RBFOX1: variants seen among roughly 807,000 people sequenced by gnomAD.
RBFOX1 encodes the protein RNA binding fox-1 homolog 1, also known as RNA binding protein fox-1 homolog 1.
In RBFOX1, 8 loss-of-function variants were observed where a neutral mutation model predicts 57.7. The observed-to-expected ratio is 0.14, with a 90% confidence interval of 0.08 to 0.25. The LOEUF (loss-of-function observed/expected upper bound fraction) is 0.25, where lower values mean the gene tolerates loss of function less well. Ranked by LOEUF, RBFOX1 falls within the 10% of genes least tolerant of loss-of-function variation. RBFOX1 has a pLI of 1.00. For synonymous variants in RBFOX1, 326 were observed against 222.4 expected (o/e 1.47, Z -4.15); for missense variants, 611 against 548.5 (o/e 1.11, Z -1.14).
At chr16:6,785,017 G>C (rs1002505174) in intron 3 of RBFOX1, among the ~76,000 whole-genome samples, 2 of 151,834 alleles carry the variant, frequency 1.3e-5, no homozygotes, top group African/African-American at 4.8e-5. Flanking sequence ...TTGATTTGTT[G>C]CACTTCTGAG....
rs192218393 is a variant in RBFOX1 at position 7,159,138 on chromosome 16, T to C, written c.27+107040T>C. 1.1e-4 allele frequency among the ~76,000 whole-genome samples: 16 copies of C among 152,288 alleles called. No individual in the cohort carries two copies. The East Asian group carries it at 2.9e-3, about 28-fold the overall frequency. On this transcript the variant is annotated intron_variant, in intron 4 of 15. Coordinates refer to ENST00000550418, the MANE Select transcript of RBFOX1 (RefSeq NM_018723.4). ...CAGGATGTAACCTTTGGAGACTGGC[T>C]TCTTTTTCTCTGCATACTGCCCTGG...
chr16:7,259,383 CAT>C (rs1567929339), intron 4 of RBFOX1, among the ~76,000 whole-genome samples: 1 of 152,054 alleles, frequency 6.6e-6, no homozygotes, highest in African/African-American at 2.4e-5. Context: ...GCACACATCA[CAT>C]ATAAGATATT....
chr16:7,175,470 G>A (rs754234179), intron 4 of RBFOX1, among the ~76,000 whole-genome samples: 1 of 152,158 alleles, frequency 6.6e-6, no homozygotes, highest in East Asian at 1.9e-4. Flanking sequence ...ATTCAGAAAT[G>A]TGTGACAGGG....
At chr16:5,765,343 A>G (rs1457986053) in intron 3 of RBFOX1, among the ~76,000 whole-genome samples, 3 of 152,212 alleles carry the variant, frequency 2.0e-5, no homozygotes, top group African/African-American at 7.2e-5. Flanking sequence ...TTGTTTCCCA[A>G]GGGAAAAAAG....
At chr16:5,767,015 G>T (rs1340255379) in intron 3 of RBFOX1, among the ~76,000 whole-genome samples, 2 of 152,136 alleles carry the variant, frequency 1.3e-5, no homozygotes, top group African/African-American at 4.8e-5. Context: ...TTGCTTCTGG[G>T]TGTTGTGGTT....
chr16:5,468,968 C>T (rs1420599575), intron 2 of RBFOX1, among the ~76,000 whole-genome samples: 33 of 152,244 alleles, frequency 2.2e-4, no homozygotes, highest in Admixed American at 2.1e-3. Flanking sequence ...CATATTTATA[C>T]CTTTTCCCTT....
At chr16:5,423,380 T>G (rs1290523619) in intron 1 of RBFOX1, among the ~76,000 whole-genome samples, 3 of 152,152 alleles carry the variant, frequency 2.0e-5, no homozygotes, top group African/African-American at 7.2e-5. Context: ...TGTATAGATT[T>G]ATGTAACAAC....
intron 1 of RBFOX1, among the ~76,000 whole-genome samples, chr16:5,429,714 A>G (rs1363907786): frequency 6.6e-6 from 1 of 152,218 alleles, no homozygotes; most frequent in Non-Finnish European, 1.5e-5. Context: ...AAACCGTCTC[A>G]AATACATCAC....
At chr16:7,280,152 T>C (rs1276491470) in intron 4 of RBFOX1, among the ~76,000 whole-genome samples, 1 of 152,226 alleles carries the variant, frequency 6.6e-6, no homozygotes, top group East Asian at 1.9e-4. Context: ...CTTGGTTCTT[T>C]GCAAACGCAA....
intron 4 of RBFOX1, among the ~76,000 whole-genome samples, chr16:5,938,244 G>C (rs1036108159): frequency 6.6e-6 from 1 of 152,168 alleles, no homozygotes; most frequent in South Asian, 2.1e-4. Flanking sequence ...TTTGTAGCCA[G>C]CTTTCTGGAA....
chr16:6,451,688 C>T (rs1460756133), intron 2 of RBFOX1, among the ~76,000 whole-genome samples: 1 of 152,226 alleles, frequency 6.6e-6, no homozygotes. Context: ...CCACCCTTTA[C>T]TGGGGCAGGT....
intron 3 of RBFOX1, among the ~76,000 whole-genome samples, chr16:6,703,148 TATATC>T (rs1364565925): frequency 2.0e-5 from 3 of 152,266 alleles, no homozygotes; most frequent in Admixed American, 1.3e-4. Flanking sequence ...TTTGTTTTGT[TATATC>T]ATGTTTTGTT....
chr16:5,433,863 A>G (rs2067829475), intron 1 of RBFOX1, among the ~76,000 whole-genome samples: 1 of 152,132 alleles, frequency 6.6e-6, no homozygotes, highest in Admixed American at 6.5e-5. Context: ...ACATGGATGG[A>G]TGGAAAACGT....
At chr16:5,310,057 A>C (rs1166156825) in intron 1 of RBFOX1, among the ~76,000 whole-genome samples, 7 of 152,162 alleles carry the variant, frequency 4.6e-5, no homozygotes, top group African/African-American at 1.7e-4. Context: ...CTTAGGATTC[A>C]GCTCTAATGT....
intron 1 of RBFOX1, among the ~76,000 whole-genome samples, chr16:6,127,587 T>C (rs2096599143): frequency 6.6e-6 from 1 of 152,168 alleles, no homozygotes; most frequent in African/African-American, 2.4e-5. Flanking sequence ...CTAAAGAAGA[T>C]TCATGTGGGA....
intron 3 of RBFOX1, among the ~76,000 whole-genome samples, chr16:6,762,712 G>A (rs184801070): frequency 6.6e-6 from 1 of 152,130 alleles, no homozygotes; most frequent in Non-Finnish European, 1.5e-5. Flanking sequence ...CTAAAGAATA[G>A]GTTGAGTTCT....
In RBFOX1 at chr16:6,475,143, G is replaced by C. The variant is rs191855186; in HGVS notation, c.-64+158086G>C. ...AAAATAGTACTTGGAGCTCTCTTTG[G>C]GTGGTGAAATAATGTTAGCTTTTCT... On this transcript the variant is annotated intron_variant, in intron 2 of 15. Transcript: ENST00000550418. Among the ~76,000 whole-genome samples, 337 of 152,218 alleles carry C rather than the reference G, an allele frequency of 2.2e-3. 1 individual carries two copies. The highest frequency in any genetic ancestry group is 7.8e-3 in the African/African-American group (324 of 41,544).
chr16:5,829,174 A>G (rs2056179480), intron 3 of RBFOX1, among the ~76,000 whole-genome samples: 1 of 152,154 alleles, frequency 6.6e-6, no homozygotes, highest in African/African-American at 2.4e-5. Context: ...CCATCTTAGA[A>G]GCTGCCTGCC....
intron 1 of RBFOX1, among the ~76,000 whole-genome samples, chr16:6,268,627 T>C (rs1430861846): frequency 6.6e-6 from 1 of 152,186 alleles, no homozygotes; most frequent in African/African-American, 2.4e-5. Context: ...ATTCAAAATA[T>C]GCATCGAACA....
Sources: allele counts gnomAD v4.1 joint callset (sites outside exome capture counted in the v4.1 genomes callset), GRCh38; gene constraint gnomAD v4.1.1; transcripts MANE v1.5; gene names NCBI Gene and HGNC (gene_info 2026-07-23, HGNC 2026-07-21).